The following PID1 variants were observed in gnomAD, a reference collection of about 807,000 sequenced individuals.
The protein encoded by PID1 is PTB-containing, cubilin and LRP1-interacting protein.
PID1 carries 10 observed loss-of-function variants against 19.1 expected under a neutral mutation model. That is an observed-to-expected ratio of 0.52 (90% CI 0.32 to 0.89). PID1 has a LOEUF of 0.89. Among genes scored for constraint, PID1 ranks in the 40% least tolerant of loss-of-function variants. The pLI is 0.03. For missense variants in PID1, 248 were observed against 285.3 expected (o/e 0.87, Z 0.94); for synonymous variants, 130 against 116.0 (o/e 1.12, Z -0.78).
chr2:229,196,532 T>TA (rs1559280439), intron 1 of PID1, among the ~76,000 whole-genome samples: 1 of 152,028 alleles, frequency 6.6e-6, no homozygotes, highest in Non-Finnish European at 1.5e-5. Context: ...AATAAGATGA[T>TA]AAAAATGTTT....
intron 2 of PID1, among the ~76,000 whole-genome samples, chr2:229,123,622 C>A (rs62193231): frequency 0.069 from 10,486 of 152,228 alleles, 532 homozygotes; most frequent in South Asian, 0.22. Context: ...ATGCCAATAC[C>A]ATTTTACCTT....
intron 2 of PID1, among the ~76,000 whole-genome samples, chr2:229,134,270 T>A (rs1424745902): frequency 7.2e-6 from 1 of 138,832 alleles, no homozygotes. Context: ...AGTCTTGCAC[T>A]GTCACCCAGG....
chr2:229,035,992 C>A (rs982264798), intron 2 of PID1, among the ~76,000 whole-genome samples: 3 of 152,114 alleles, frequency 2.0e-5, no homozygotes, highest in African/African-American at 7.2e-5. Context: ...ACATCATATT[C>A]CTAAAGAACT....
intron 1 of PID1, among the ~76,000 whole-genome samples, chr2:229,269,378 C>A (rs1002747673): frequency 2.0e-5 from 3 of 152,228 alleles, no homozygotes; most frequent in Admixed American, 2.0e-4. Context: ...GCCCACCTGC[C>A]AAGGGTCACA....
intron 2 of PID1, among the ~76,000 whole-genome samples, chr2:229,032,297 G>C (rs772244175): frequency 1.3e-5 from 2 of 152,138 alleles, no homozygotes; most frequent in Non-Finnish European, 2.9e-5. Context: ...ATATTCTTCT[G>C]TGAGCACATC....
intron 2 of PID1, among the ~76,000 whole-genome samples, chr2:229,131,017 T>C (rs1689727684): frequency 6.6e-6 from 1 of 152,150 alleles, no homozygotes; most frequent in South Asian, 2.1e-4. Context: ...ATACCCACCA[T>C]ATCGGATCAA....
Position 229,051,288 on chromosome 2 carries a change from C to G in PID1, c.178-25180G>C, listed in dbSNP as rs141077674. ...AAAACAGATAAATATGCAAAAAAAG[C>G]TTTTGGATCCTAAGATATCTGATTG... On this transcript the variant is annotated intron_variant, in intron 2 of 2. Transcript: ENST00000392055. Among the ~76,000 whole-genome samples the G allele has an allele frequency of 1.6e-3, 244 of 152,142 alleles. 1 individual carries two copies. The highest frequency in any genetic ancestry group is 5.5e-3 in the African/African-American group (227 of 41,498).
At chr2:229,119,966 A>T (rs1344942044) in intron 2 of PID1, among the ~76,000 whole-genome samples, 1 of 152,112 alleles carries the variant, frequency 6.6e-6, no homozygotes, top group Non-Finnish European at 1.5e-5. Flanking sequence ...AAGTCTTCAG[A>T]CTCGGACTGG....
intron 1 of PID1, among the ~76,000 whole-genome samples, chr2:229,227,698 AAT>A (rs1427544806): frequency 2.0e-5 from 3 of 152,088 alleles, no homozygotes; most frequent in Non-Finnish European, 2.9e-5. Flanking sequence ...CCTAAACATA[AAT>A]ATAGTTGGCC....
intron 2 of PID1, among the ~76,000 whole-genome samples, chr2:229,141,115 C>T (rs775985579): frequency 1.6e-4 from 25 of 152,022 alleles, no homozygotes; most frequent in Non-Finnish European, 3.4e-4. Context: ...ATGACCCTTG[C>T]TATGAAGCGG....
chr2:229,137,024 A>G (rs1689870935), intron 2 of PID1, among the ~76,000 whole-genome samples: 1 of 152,230 alleles, frequency 6.6e-6, no homozygotes. Context: ...TGCTCATCAT[A>G]ATGCGGGAGA....
chr2:229,137,424 C>G (rs1399037635), intron 2 of PID1, among the ~76,000 whole-genome samples: 1 of 152,218 alleles, frequency 6.6e-6, no homozygotes, highest in Non-Finnish European at 1.5e-5. Context: ...AAGTTAATTT[C>G]TCACAGTAAA....
chr2:229,098,087 A>G lies in PID1; in HGVS notation c.177+57731T>C, dbSNP rs1253399551. On this transcript the variant is annotated intron_variant, in intron 2 of 2. Coordinates refer to ENST00000392055, the MANE Select transcript of PID1 (RefSeq NM_001100818.2). ...CCATTGAATCATGAGCCTATGCCAT[A>G]GAGCATTCAAAGAGTGCTCCTGCTG... 2.6e-5 allele frequency among the ~76,000 whole-genome samples: 4 copies of G among 152,356 alleles called. No individual in the cohort carries two copies. The East Asian group carries it at 7.7e-4, about 29-fold the overall frequency.
intron 1 of PID1, among the ~76,000 whole-genome samples, chr2:229,227,092 T>C (rs980763222): frequency 1.3e-5 from 2 of 152,178 alleles, no homozygotes; most frequent in African/African-American, 4.8e-5. Context: ...CACAAGGAAA[T>C]AACATTTTGA....
intron 1 of PID1, chr2:229,236,274 C>T (rs1689667122): frequency 6.6e-6 from 1 of 152,100 alleles, no homozygotes; most frequent in African/African-American, 2.4e-5. Context: ...AACTCACCCC[C>T]AAAGAAAAGT....
At chr2:229,066,323 A>G (rs748830031) in intron 2 of PID1, among the ~76,000 whole-genome samples, 3 of 152,194 alleles carry the variant, frequency 2.0e-5, no homozygotes, top group Non-Finnish European at 4.4e-5. Context: ...AGGCAATTCA[A>G]TACAAATTGC....
intron 1 of PID1, among the ~76,000 whole-genome samples, chr2:229,243,392 A>T (rs953207429): frequency 6.6e-6 from 1 of 152,082 alleles, no homozygotes. Context: ...CTTCTTTGTG[A>T]AGGGTTCCTT....
chr2:229,085,602 G>A (rs1694748068), intron 2 of PID1, among the ~76,000 whole-genome samples: 1 of 152,116 alleles, frequency 6.6e-6, no homozygotes, highest in South Asian at 2.1e-4. Flanking sequence ...GTAGTTAGAA[G>A]ATACCCATGA....
chr2:229,229,477 T>C lies in PID1; in HGVS notation c.30+41537A>G, dbSNP rs547357084. Reference sequence around the variant, plus strand: ...ACGAAACCGCATCTCTACAAAAAAATATATGAAAAATTAGCCAGGTATGGT... The same window carrying C: ...ACGAAACCGCATCTCTACAAAAAAACATATGAAAAATTAGCCAGGTATGGT... On this transcript the variant is annotated intron_variant, in intron 1 of 2. Coordinates refer to ENST00000392055, the MANE Select transcript of PID1 (RefSeq NM_001100818.2). Among the ~76,000 whole-genome samples, 42 of 136,640 alleles carry C rather than the reference T, an allele frequency of 3.1e-4. No individual in the cohort carries two copies. The East Asian group carries it at 8.0e-3, about 26-fold the overall frequency. The allele number at this position is 136,640 out of a possible 152,430, so 89.6% of individuals were successfully genotyped here.
Sources: allele counts gnomAD v4.1 joint callset (sites outside exome capture counted in the v4.1 genomes callset), GRCh38; gene constraint gnomAD v4.1.1; transcripts MANE v1.5; gene names NCBI Gene and HGNC (gene_info 2026-07-23, HGNC 2026-07-21).